SDCCAG8: variants seen among roughly 807,000 people sequenced by gnomAD.
SDCCAG8 encodes the protein SHH signaling and ciliogenesis regulator SDCCAG8, also known as serologically defined colon cancer antigen 8.
A neutral mutation model predicts 101.8 loss-of-function variants in SDCCAG8; 74 were observed. That is an observed-to-expected ratio of 0.73 (90% CI 0.60 to 0.88). The LOEUF (loss-of-function observed/expected upper bound fraction) is 0.88. Among genes scored for constraint, SDCCAG8 ranks in the 40% least tolerant of loss-of-function variants. The probability of loss-of-function intolerance (pLI) is 0.00; values close to 1 mark genes in which losing one functional copy is unlikely to be tolerated. For missense variants in SDCCAG8, 787 were observed against 822.6 expected, an observed-to-expected ratio of 0.96 and a Z score of 0.53; for synonymous variants, 281 against 292.9, an observed-to-expected ratio of 0.96 and a Z score of 0.41.
intron 12 of SDCCAG8, among the ~76,000 whole-genome samples, chr1:243,377,988 G>GAA (rs890153231): frequency 6.6e-6 from 1 of 150,714 alleles, no homozygotes; most frequent in African/African-American, 2.4e-5. Flanking sequence ...TTTTTGCTTT[G>GAA]AAATATTTGA....
At chr1:243,283,262 G>T (rs1054478450) in intron 4 of SDCCAG8, among the ~76,000 whole-genome samples, 1 of 151,818 alleles carries the variant, frequency 6.6e-6, no homozygotes, top group Non-Finnish European at 1.5e-5. Flanking sequence ...TTTTTGGGGG[G>T]TATTTATCCT....
At chr1:243,360,483 TCTC>T (rs2076642907) in intron 12 of SDCCAG8, among the ~76,000 whole-genome samples, 1 of 151,830 alleles carries the variant, frequency 6.6e-6, no homozygotes. Context: ...GCTCCCTGCT[TCTC>T]CTCATCTAGC....
rs372409370 is a variant in SDCCAG8, at chr1:243,266,244, CAAAA to C, written c.68-3857_68-3854del. 4.9e-3 allele frequency among the ~76,000 whole-genome samples: 737 copies of C among 151,556 alleles called. 8 individuals are homozygous for C. The highest frequency in any genetic ancestry group is 0.017 in the African/African-American group (707 of 41,398). On this transcript the variant is annotated intron_variant, in intron 1 of 17. Coordinates refer to ENST00000366541, the MANE Select transcript of SDCCAG8 (RefSeq NM_006642.5). ...ATGCACCACACTGTACAATAGAACT[CAAAA>C]AAAGTATAAAACATATTCTTCCTGT...
At chr1:243,425,212 TA>T (rs1371465975) in intron 15 of SDCCAG8, among the ~76,000 whole-genome samples, 8 of 152,070 alleles carry the variant, frequency 5.3e-5, no homozygotes, top group African/African-American at 1.7e-4. Flanking sequence ...GAGCACAATT[TA>T]AAAGAATAAA....
chr1:243,369,761 C>A lies in SDCCAG8; in HGVS notation c.1474-8960C>A, dbSNP rs368075522. On this transcript the variant is annotated intron_variant, in intron 12 of 17. Coordinates refer to ENST00000366541, the MANE Select transcript of SDCCAG8 (RefSeq NM_006642.5). ...GTCTTTTATAGTTCAGCTCTTGATA[C>A]ATTTTCTGGTATTGAACCAATGCAA... 3.7e-4 allele frequency among the ~76,000 whole-genome samples: 56 copies of A among 152,222 alleles called. 1 individual carries two copies. The South Asian group carries it at 0.012, about 32-fold the overall frequency.
intron 6 of SDCCAG8, among the ~76,000 whole-genome samples, chr1:243,302,634 T>C (rs2071635193): frequency 6.6e-6 from 1 of 152,338 alleles, no homozygotes; most frequent in East Asian, 1.9e-4. Flanking sequence ...ACCTTGCCAG[T>C]AAGAGACTGC....
chr1:243,302,298 A>G (rs1008832936), intron 6 of SDCCAG8, among the ~76,000 whole-genome samples: 4 of 152,188 alleles, frequency 2.6e-5, no homozygotes, highest in African/African-American at 7.2e-5. Flanking sequence ...GAGAAATGAT[A>G]TCTGCCTGAA....
chr1:243,264,757 T>C (rs2067456181), intron 1 of SDCCAG8, among the ~76,000 whole-genome samples: 1 of 152,240 alleles, frequency 6.6e-6, no homozygotes, highest in Non-Finnish European at 1.5e-5. Flanking sequence ...TGCACTTACG[T>C]TCATGTGATC....
intron 16 of SDCCAG8, among the ~76,000 whole-genome samples, chr1:243,430,212 G>C (rs2081631499): frequency 6.6e-6 from 1 of 152,084 alleles, no homozygotes; most frequent in South Asian, 2.1e-4. Context: ...ATTAGATCAG[G>C]AATTGGCAAA....
intron 13 of SDCCAG8, among the ~76,000 whole-genome samples, chr1:243,414,505 G>A (rs1410732767): frequency 1.1e-4 from 16 of 152,104 alleles, no homozygotes; most frequent in Admixed American, 1.0e-3. Context: ...GATTCCATTT[G>A]AGTGAGGTGT....
rs1229718437 is a variant in SDCCAG8, at chr1:243,341,180, A to T, written c.1356+7A>T. Reference sequence around the variant, plus strand: ...GGAAATGGATGTCACAAAGGTACAGAAAGAGATTTTAGTGTAATCGTTACT... The same window carrying T: ...GGAAATGGATGTCACAAAGGTACAGTAAGAGATTTTAGTGTAATCGTTACT... On this transcript the variant is annotated splice_region_variant and intron_variant, in intron 11 of 17. Transcript: ENST00000366541. 6.2e-7 allele frequency: 1 copy of T among 1,613,882 alleles called. No individual in the cohort carries two copies. Among genetic ancestry groups the T allele is most frequent in the East Asian group, 2.2e-5 (1 of 44,872 alleles).
chr1:243,338,435 T>A (rs76987705), intron 10 of SDCCAG8, among the ~76,000 whole-genome samples: 11 of 151,678 alleles, frequency 7.3e-5, no homozygotes, highest in Non-Finnish European at 1.2e-4. Flanking sequence ...TTTTTTTTTT[T>A]AAATTCCATT....
chr1:243,285,766 C>G (rs1288086241), intron 4 of SDCCAG8, among the ~76,000 whole-genome samples: 1 of 152,142 alleles, frequency 6.6e-6, no homozygotes, highest in Non-Finnish European at 1.5e-5. Context: ...AGGAAATACT[C>G]TTTCACAATT....
chr1:243,353,236 A>T (rs1406258949), intron 12 of SDCCAG8, among the ~76,000 whole-genome samples: 2 of 151,920 alleles, frequency 1.3e-5, no homozygotes, highest in African/African-American at 4.8e-5. Flanking sequence ...CATGCCTGTA[A>T]TCCCAGCACT....
At chr1:243,296,533 C>CTT in intron 6 of SDCCAG8, among the ~76,000 whole-genome samples, 1 of 27,912 alleles carries the variant, frequency 3.6e-5, no homozygotes, top group Non-Finnish European at 8.2e-5. Flanking sequence ...ACCCCAACTG[C>CTT]TCTTTTTTTT....
chr1:243,349,948 G>A (rs867743157), intron 12 of SDCCAG8, among the ~76,000 whole-genome samples: 5 of 151,996 alleles, frequency 3.3e-5, no homozygotes, highest in Admixed American at 2.6e-4. Flanking sequence ...AAATATTCAG[G>A]GTGGGGTATC....
intron 17 of SDCCAG8, among the ~76,000 whole-genome samples, chr1:243,490,551 C>T (rs1378104761): frequency 6.6e-6 from 1 of 152,264 alleles, no homozygotes; most frequent in African/African-American, 2.4e-5. Flanking sequence ...CCTGCCCCCG[C>T]TTCGGACAAG....
chr1:243,263,351 T>A (rs2067334508), intron 1 of SDCCAG8, among the ~76,000 whole-genome samples: 1 of 152,206 alleles, frequency 6.6e-6, no homozygotes, highest in African/African-American at 2.4e-5. Context: ...GTCCAAACTG[T>A]CAATAGTGCT....
At chr1:243,413,060 T>G (rs956757316) in intron 13 of SDCCAG8, among the ~76,000 whole-genome samples, 1 of 152,140 alleles carries the variant, frequency 6.6e-6, no homozygotes, top group Non-Finnish European at 1.5e-5. Context: ...GTTTCCCAAA[T>G]AGAGGGAAAT....
Sources: allele counts gnomAD v4.1 joint callset (sites outside exome capture counted in the v4.1 genomes callset), GRCh38; gene constraint gnomAD v4.1.1; transcripts MANE v1.5; gene names NCBI Gene and HGNC (gene_info 2026-07-23, HGNC 2026-07-21).